Variants in SLCO2A1 observed in about 807,000 individuals in gnomAD.
SLCO2A1 encodes the protein matrin F/G 1.
Under a neutral mutation model 71.7 loss-of-function variants are expected in SLCO2A1, and 60 were observed. The ratio of observed to expected loss-of-function variants is 0.84; its 90% CI spans 0.68 to 1.04. SLCO2A1 has a LOEUF of 1.04. SLCO2A1 is among the 50% of genes least tolerant of loss of function. The pLI is 0.00. For synonymous variants in SLCO2A1, 308 were observed against 326.7 expected (o/e 0.94, Z 0.62); for missense variants, 745 against 813.4 (o/e 0.92, Z 1.02).
rs753370236 is a variant in SLCO2A1 at position 133,951,337 on chromosome 3, A to G, written c.732T>C (p.Val244=). The G allele has an allele frequency of 6.2e-7, 1 of 1,614,064 alleles. No homozygotes were observed. The highest frequency in any genetic ancestry group is 2.2e-5 in the East Asian group (1 of 44,882). ...ATCGGGGGTCACCCGGGACCAAGTTAACTGCAGCTGAAGAGAAAACGAAGA... is the reference window on the plus strand; with the variant it reads ...ATCGGGGGTCACCCGGGACCAAGTTGACTGCAGCTGAAGAGAAAACGAAGA... ...VDYGRVNTAA[V]NLVPGDPRWI... The change falls in exon 6 of 14, where the codon GTT becomes GTC. Residue 244 remains valine (V), a synonymous_variant. Coordinates refer to ENST00000310926, the MANE Select transcript of SLCO2A1 (RefSeq NM_005630.3).
chr3:133,958,192 C>G (rs2108047323), intron 3 of SLCO2A1, among the ~76,000 whole-genome samples: 2 of 152,322 alleles, frequency 1.3e-5, no homozygotes, highest in African/African-American at 4.8e-5. Context: ...CAGGGTGGCT[C>G]TGAGTGGGCA....
At chr3:133,997,057 T>G (rs907718109) in intron 1 of SLCO2A1, among the ~76,000 whole-genome samples, 1 of 152,160 alleles carries the variant, frequency 6.6e-6, no homozygotes, top group African/African-American at 2.4e-5. Context: ...TGTCTTGGCT[T>G]ACCAATGATC....
At chr3:133,981,961 C>T (rs1390195017) in intron 1 of SLCO2A1, among the ~76,000 whole-genome samples, 4 of 121,734 alleles carry the variant, frequency 3.3e-5, no homozygotes, top group Non-Finnish European at 6.4e-5. Context: ...GGCGACAGAG[C>T]GAGACTCCGT....
At chr3:134,014,213 G>A (rs993185327) in intron 1 of SLCO2A1, among the ~76,000 whole-genome samples, 6 of 152,100 alleles carry the variant, frequency 3.9e-5, no homozygotes, top group Admixed American at 6.5e-5. Flanking sequence ...TCGGGGGTGG[G>A]AGACAGTGCC....
chr3:133,936,438 C>T (rs1933272872), intron 12 of SLCO2A1, among the ~76,000 whole-genome samples: 1 of 152,210 alleles, frequency 6.6e-6, no homozygotes. Flanking sequence ...AGACAACACC[C>T]CTCTGCAGAC....
chr3:133,983,840 G>A (rs1022589098), intron 1 of SLCO2A1, among the ~76,000 whole-genome samples: 13 of 152,240 alleles, frequency 8.5e-5, no homozygotes, highest in Non-Finnish European at 4.4e-5. Context: ...ACGAGGGCTG[G>A]CTGGGGTAGT....
At chr3:134,021,560 A>G (rs1257986021) in intron 1 of SLCO2A1, among the ~76,000 whole-genome samples, 3 of 152,040 alleles carry the variant, frequency 2.0e-5, no homozygotes, top group Non-Finnish European at 4.4e-5. Context: ...GAGGCAAGGA[A>G]AGACCAGCAG....
At chr3:133,947,974 A>G (rs1056230104) in intron 8 of SLCO2A1, among the ~76,000 whole-genome samples, 2 of 152,112 alleles carry the variant, frequency 1.3e-5, no homozygotes, top group African/African-American at 4.8e-5. Context: ...GTGGGACCAC[A>G]TCTGTAGTTC....
chr3:133,942,511 GGA>G, intron 11 of SLCO2A1, 92 bp downstream of exon 11: 2 of 1,314,252 alleles, frequency 1.5e-6, no homozygotes, highest in Non-Finnish European at 2.1e-6. Context: ...ACAAAAGGGG[GGA>G]GAGATGAGAA....
At chr3:134,013,437 C>A (rs1935381089) in intron 1 of SLCO2A1, among the ~76,000 whole-genome samples, 1 of 152,230 alleles carries the variant, frequency 6.6e-6, no homozygotes, top group Non-Finnish European at 1.5e-5. Context: ...CCTTCCACTG[C>A]TGTCCCTTTG....
intron 2 of SLCO2A1, among the ~76,000 whole-genome samples, chr3:133,977,714 C>T (rs534852975): frequency 2.0e-5 from 3 of 152,190 alleles, no homozygotes; most frequent in South Asian, 2.1e-4. Flanking sequence ...ACGCAAATGT[C>T]GGAGATTTGT....
intron 10 of SLCO2A1, 30 bp downstream of exon 10, chr3:133,945,065 C>T: frequency 6.3e-7 from 1 of 1,592,874 alleles, no homozygotes; most frequent in East Asian, 2.2e-5. Context: ...TGTGGGGCTC[C>T]TCTTGCCTCT....
chr3:134,019,395 A>AATC (rs1204269396), intron 1 of SLCO2A1, among the ~76,000 whole-genome samples: 2 of 152,176 alleles, frequency 1.3e-5, no homozygotes, highest in Non-Finnish European at 1.5e-5. Flanking sequence ...CTATTATTTT[A>AATC]ATCATCATTA....
intron 5 of SLCO2A1, 54 bp downstream of exon 5, chr3:133,953,609 G>A: frequency 1.4e-6 from 2 of 1,406,824 alleles, no homozygotes; most frequent in Non-Finnish European, 1.0e-6. Context: ...GAGGGGGCTG[G>A]GGGCTGCTTT....
intron 2 of SLCO2A1, 107 bp from the exon 3 acceptor site, chr3:133,973,932 C>A: frequency 8.7e-7 from 1 of 1,149,610 alleles, no homozygotes; most frequent in Non-Finnish European, 1.2e-6. Flanking sequence ...AGGGAGGGGG[C>A]TGCCCAGTGT....
At chr3:133,944,274 A>G (rs1479418140) in intron 10 of SLCO2A1, among the ~76,000 whole-genome samples, 1 of 152,140 alleles carries the variant, frequency 6.6e-6, no homozygotes, top group Non-Finnish European at 1.5e-5. Flanking sequence ...TTCTAGAATT[A>G]TCCTGTGTGT....
At position 134,029,732 on chromosome 3, in the gene SLCO2A1, G is replaced by A; in HGVS notation, c.71C>T (p.Ala24Val). 2.5e-6 allele frequency: 4 copies of A among 1,589,786 alleles called. No homozygotes were observed. The highest frequency in any genetic ancestry group is 1.4e-5 in the African/African-American group (1 of 73,044). The change falls in exon 1 of 14, where the codon GCC becomes GTC. Residue 24 changes from alanine to valine, a missense_variant. Ala to Val is a moderately conservative substitution (Grantham distance 64, BLOSUM62 0). Coordinates refer to ENST00000310926, the MANE Select transcript of SLCO2A1 (RefSeq NM_005630.3). The part of the protein sequence containing the change: ...DTSTSRAGRC[A>V]RSVFGNIKVF... ...CTTAATGTTGCCGAAGACCGAGCGGGCACAGCGGCCGGCTCGGCTAGTAGA... is the reference window on the plus strand; with the variant it reads ...CTTAATGTTGCCGAAGACCGAGCGGACACAGCGGCCGGCTCGGCTAGTAGA...
intron 1 of SLCO2A1, among the ~76,000 whole-genome samples, chr3:134,010,982 A>G (rs1935327629): frequency 6.6e-6 from 1 of 152,194 alleles, no homozygotes; most frequent in Admixed American, 6.5e-5. Context: ...GGCTTGACTA[A>G]TGCCCAACCC....
intron 5 of SLCO2A1, 40 bp downstream of exon 5, chr3:133,953,623 G>C (rs200642452): frequency 2.2e-5 from 34 of 1,531,032 alleles, no homozygotes; most frequent in African/African-American, 9.5e-5. Context: ...CTGCTTTATT[G>C]AGCTGGGGAT....
Sources: allele counts gnomAD v4.1 joint callset (sites outside exome capture counted in the v4.1 genomes callset), GRCh38; gene constraint gnomAD v4.1.1; transcripts MANE v1.5; gene names NCBI Gene and HGNC (gene_info 2026-07-23, HGNC 2026-07-21).